The following TUSC3 variants were observed in gnomAD, a reference collection of about 807,000 sequenced individuals.
TUSC3 encodes tumor suppressor candidate 3.
TUSC3 carries 45 observed loss-of-function variants against 44.8 expected under a neutral mutation model. The ratio of observed to expected loss-of-function variants is 1.00; its 90% CI spans 0.79 to 1.29. The LOEUF is 1.29. Ranked by LOEUF, TUSC3 falls within the 50% of genes most tolerant of loss-of-function variation. The pLI, the probability that TUSC3 is intolerant of heterozygous loss-of-function variation, is 0.00. For synonymous variants in TUSC3, 212 were observed against 152.9 expected (o/e 1.39, Z -2.85); for missense variants, 519 against 437.9 (o/e 1.19, Z -1.65).
chr8:15,597,233 A>C (rs1198657820), intron 1 of TUSC3, among the ~76,000 whole-genome samples: 1 of 152,152 alleles, frequency 6.6e-6, no homozygotes, highest in Non-Finnish European at 1.5e-5. Flanking sequence ...AATTTCTCTC[A>C]GTCCAACTCA....
At chr8:15,806,958 A>G in the TUSC3 span, 1 of 1,467,586 alleles carries the variant, frequency 6.8e-7, no homozygotes, top group Non-Finnish European at 9.5e-7. Context: ...TCTCGTGTTC[A>G]TCAATCTCCA....
intron 1 of TUSC3, among the ~76,000 whole-genome samples, chr8:15,457,745 T>A (rs1800276513): frequency 6.8e-6 from 1 of 147,850 alleles, no homozygotes. Context: ...ATCTAATAAT[T>A]TAAAATAAAA....
At chr8:15,671,047 A>T (rs1249298752) in intron 5 of TUSC3, among the ~76,000 whole-genome samples, 1 of 151,976 alleles carries the variant, frequency 6.6e-6, no homozygotes, top group Non-Finnish European at 1.5e-5. Context: ...ATAATTGGTA[A>T]AGATGGATAT....
At chr8:15,473,674 A>C (rs1469606938) in intron 1 of TUSC3, among the ~76,000 whole-genome samples, 2 of 152,206 alleles carry the variant, frequency 1.3e-5, no homozygotes, top group African/African-American at 4.8e-5. Context: ...AAAACCAGCA[A>C]GTTTTATTAA....
intron 6 of TUSC3, 71 bp downstream of exon 6, chr8:15,673,907 T>A: frequency 7.8e-7 from 1 of 1,279,934 alleles, no homozygotes; most frequent in Non-Finnish European, 1.1e-6. Context: ...GAAATTATGT[T>A]TAGTATTTAG....
the TUSC3 span, among the ~76,000 whole-genome samples, chr8:15,841,429 C>T: frequency 2.4e-4 from 36 of 152,032 alleles, no homozygotes; most frequent in African/African-American, 8.2e-4. Flanking sequence ...ATATAATCAG[C>T]CAAACTGAAC....
intron 1 of TUSC3, among the ~76,000 whole-genome samples, chr8:15,543,133 T>C (rs1801745016): frequency 6.6e-6 from 1 of 152,224 alleles, no homozygotes; most frequent in Admixed American, 6.5e-5. Context: ...TGACAGTATG[T>C]GGTCTCTTTC....
intron 2 of TUSC3, among the ~76,000 whole-genome samples, chr8:15,636,575 C>CTA (rs1806086578): frequency 1.3e-5 from 2 of 152,154 alleles, no homozygotes; most frequent in African/African-American, 4.8e-5. Flanking sequence ...TTGCCGTAGG[C>CTA]ATTAGTCAGC....
intron 6 of TUSC3, among the ~76,000 whole-genome samples, chr8:15,693,750 C>T (rs1438956456): frequency 6.6e-6 from 1 of 152,026 alleles, no homozygotes; most frequent in African/African-American, 2.4e-5. Context: ...TTCGAGGTTG[C>T]TTGCTTTCTC....
At chr8:15,447,255 G>A (rs1800118127) in intron 1 of TUSC3, among the ~76,000 whole-genome samples, 2 of 152,120 alleles carry the variant, frequency 1.3e-5, no homozygotes, top group Admixed American at 1.3e-4. Context: ...TCAAAATCCA[G>A]AAGTCAGTCG....
intron 6 of TUSC3, among the ~76,000 whole-genome samples, chr8:15,699,083 A>G (rs1193095808): frequency 6.6e-6 from 1 of 152,156 alleles, no homozygotes; most frequent in African/African-American, 2.4e-5. Flanking sequence ...CCTAGCCTCA[A>G]GTGATACTCC....
intron 1 of TUSC3, among the ~76,000 whole-genome samples, chr8:15,590,076 T>G (rs529500214): frequency 6.6e-6 from 1 of 152,342 alleles, no homozygotes; most frequent in African/African-American, 2.4e-5. Flanking sequence ...GTTAAAAGCA[T>G]CTGACTTAGT....
At chr8:15,611,725 A>T (rs1367584390) in intron 1 of TUSC3, among the ~76,000 whole-genome samples, 1 of 152,122 alleles carries the variant, frequency 6.6e-6, no homozygotes, top group African/African-American at 2.4e-5. Flanking sequence ...GGTGGTCTTT[A>T]CTGAACTATC....
At chr8:15,523,108 C>T (rs930646488) in intron 2 of TUSC3, among the ~76,000 whole-genome samples, 5 of 152,184 alleles carry the variant, frequency 3.3e-5, no homozygotes, top group African/African-American at 9.7e-5. Flanking sequence ...AATAAAGCAT[C>T]TGCCAGCATG....
chr8:15,767,267 A>G (rs765283480), downstream of TUSC3, among the ~76,000 whole-genome samples: 3 of 152,190 alleles, frequency 2.0e-5, no homozygotes, highest in South Asian at 2.1e-4. Context: ...TCCAACTACT[A>G]TACAAAGATT....
chr8:15,651,274 G>C (rs1806892299), intron 3 of TUSC3, among the ~76,000 whole-genome samples: 1 of 152,126 alleles, frequency 6.6e-6, no homozygotes, highest in East Asian at 1.9e-4. Context: ...ATTTTGCACA[G>C]ATTTGTGACA....
chr8:15,830,528 G>T, the TUSC3 span, among the ~76,000 whole-genome samples: 1 of 152,118 alleles, frequency 6.6e-6, no homozygotes, highest in African/African-American at 2.4e-5. Context: ...ATCGATGGAT[G>T]ACTGCATTAA....
chr8:15,699,360 A>C (rs1046417131), intron 6 of TUSC3, among the ~76,000 whole-genome samples: 8 of 152,120 alleles, frequency 5.3e-5, no homozygotes, highest in African/African-American at 7.2e-5. Context: ...AAAACTTGCA[A>C]ACTTTTAGAC....
downstream of TUSC3, among the ~76,000 whole-genome samples, chr8:15,771,628 G>T (rs1468505428): frequency 6.6e-6 from 1 of 152,034 alleles, no homozygotes; most frequent in African/African-American, 2.4e-5. Context: ...CAAATATGTG[G>T]AAAATAAATA....
Sources: gnomAD v4.1 joint callset for allele counts (sites outside exome capture counted in the v4.1 genomes callset) on GRCh38, gnomAD v4.1.1 for gene constraint, MANE v1.5 for transcripts, NCBI Gene and HGNC (gene_info 2026-07-23, HGNC 2026-07-21) for gene names.